Variants in GRM3 observed in about 807,000 individuals in gnomAD.
The protein encoded by GRM3 is glutamate metabotropic receptor 3.
In GRM3, 26 loss-of-function variants were observed where a neutral mutation model predicts 70.5. That is an observed-to-expected ratio of 0.37 (90% CI 0.27 to 0.51). The LOEUF (loss-of-function observed/expected upper bound fraction) is 0.51, where lower values mean the gene tolerates loss of function less well. Ranked by LOEUF, GRM3 falls within the 20% of genes least tolerant of loss-of-function variation. GRM3 has a pLI of 0.93. For missense variants in GRM3, 859 were observed against 1,123.8 expected, an observed-to-expected ratio of 0.76 and a Z score of 3.37; for synonymous variants, 443 against 434.9, an observed-to-expected ratio of 1.02 and a Z score of -0.23.
chr7:86,840,751 T>G (rs1433884260), intron 4 of GRM3, among the ~76,000 whole-genome samples: 1 of 152,184 alleles, frequency 6.6e-6, no homozygotes, highest in African/African-American at 2.4e-5. Flanking sequence ...TTTCTTAAAT[T>G]GTCAGAGATT....
intron 1 of GRM3, among the ~76,000 whole-genome samples, chr7:86,707,925 T>C (rs544676523): frequency 6.6e-6 from 1 of 152,244 alleles, no homozygotes; most frequent in South Asian, 2.1e-4. Flanking sequence ...TTAATTTTCA[T>C]TAAGAACCCT....
chr7:86,740,411 T>G (rs1023029558), intron 1 of GRM3, among the ~76,000 whole-genome samples: 1 of 152,054 alleles, frequency 6.6e-6, no homozygotes, highest in South Asian at 2.1e-4. Context: ...CAATACTCCC[T>G]TGATTCAAAA....
chr7:86,709,910 G>A (rs80003799), intron 1 of GRM3, among the ~76,000 whole-genome samples: 1,919 of 152,188 alleles, frequency 0.013, 34 homozygotes, highest in African/African-American at 0.044. Flanking sequence ...ATGACTTTAA[G>A]GAAACATTTG....
At chr7:86,809,579 A>G (rs1459585228) in intron 3 of GRM3, among the ~76,000 whole-genome samples, 1 of 152,068 alleles carries the variant, frequency 6.6e-6, no homozygotes, top group Non-Finnish European at 1.5e-5. Context: ...GTAATAATTT[A>G]TTATTAATGA....
At chr7:86,733,318 A>AC (rs928850907) in intron 1 of GRM3, among the ~76,000 whole-genome samples, 4 of 151,720 alleles carry the variant, frequency 2.6e-5, no homozygotes, top group Admixed American at 1.3e-4. Flanking sequence ...CGTCTCAAAA[A>AC]AAAAAAAAAA....
At chr7:86,844,064 G>A (rs1340436652) in intron 4 of GRM3, among the ~76,000 whole-genome samples, 3 of 152,120 alleles carry the variant, frequency 2.0e-5, no homozygotes, top group Non-Finnish European at 4.4e-5. Context: ...ATTCTTTTGG[G>A]GGTTGGAGCA....
rs560655360 is a variant in GRM3 at position 86,716,018 on chromosome 7, T to C, written c.-140-48988T>C. Among the ~76,000 whole-genome samples the C allele has an allele frequency of 4.6e-5, 7 of 152,136 alleles. No individual in the cohort carries two copies. In the South Asian group the frequency reaches 1.4e-3, roughly 31 times the overall value. On this transcript the variant is annotated intron_variant, in intron 1 of 5. Coordinates refer to ENST00000361669, the MANE Select transcript of GRM3 (RefSeq NM_000840.3). Reference sequence around the variant, plus strand: ...ATGATAGTAGCAACCACCTACGTGGTACTTTTCATCCTCAAAGCTCTGGAT... The same window carrying C: ...ATGATAGTAGCAACCACCTACGTGGCACTTTTCATCCTCAAAGCTCTGGAT...
At position 86,791,168 on chromosome 7, in the gene GRM3, A is replaced by C. The variant is rs1279789692; in HGVS notation, c.1324+4052A>C. ...ACTAGCTTGTGGGCTCTTTCAAGGC[A>C]TGGTACATATATTTCATCTCTGATC... On this transcript the variant is annotated intron_variant, in intron 3 of 5. Coordinates refer to ENST00000361669, the MANE Select transcript of GRM3 (RefSeq NM_000840.3). Among the ~76,000 whole-genome samples the C allele has an allele frequency of 2.0e-5, 3 of 152,308 alleles. No individual in the cohort carries two copies. The East Asian group carries it at 5.8e-4, about 29-fold the overall frequency.
chr7:86,670,795 A>G (rs1361729315), intron 1 of GRM3, among the ~76,000 whole-genome samples: 1 of 152,078 alleles, frequency 6.6e-6, no homozygotes, highest in Non-Finnish European at 1.5e-5. Context: ...GGTGGCTCTA[A>G]TTTACATTTT....
intron 3 of GRM3, among the ~76,000 whole-genome samples, chr7:86,788,879 A>G (rs950294320): frequency 7.9e-5 from 12 of 152,176 alleles, no homozygotes; most frequent in Admixed American, 7.2e-4. Context: ...TAGTATGCAA[A>G]TATACAAATA....
chr7:86,689,944 A>AT lies in GRM3; in HGVS notation c.-141+45074dup, dbSNP rs1214763912. Among the ~76,000 whole-genome samples, 21 of 152,308 alleles carry AT rather than the reference A, an allele frequency of 1.4e-4. No individual in the cohort carries two copies. The South Asian group carries it at 2.1e-3, about 15-fold the overall frequency. On this transcript the variant is annotated intron_variant, in intron 1 of 5. Transcript: ENST00000361669. The stretch of plus-strand genomic sequence containing the variant: ...ACTATGCCTTGCAAATACATCACCC[A>AT]TTCCTTCAGCAATCACTCACTAAGG...
At chr7:86,826,465 G>C (rs1798236459) in intron 3 of GRM3, among the ~76,000 whole-genome samples, 1 of 152,100 alleles carries the variant, frequency 6.6e-6, no homozygotes, top group Non-Finnish European at 1.5e-5. Flanking sequence ...GTGTGTAATG[G>C]GCCTGTAGTG....
At chr7:86,680,906 C>T (rs965388446) in intron 1 of GRM3, among the ~76,000 whole-genome samples, 2 of 152,168 alleles carry the variant, frequency 1.3e-5, no homozygotes, top group Non-Finnish European at 2.9e-5. Context: ...TACCATTCCC[C>T]TTGGCAGCCC....
At chr7:86,742,623 C>T (rs1039945231) in intron 1 of GRM3, among the ~76,000 whole-genome samples, 1 of 151,924 alleles carries the variant, frequency 6.6e-6, no homozygotes, top group African/African-American at 2.4e-5. Flanking sequence ...TATAAAGGAA[C>T]CTGAAAGTCG....
intron 5 of GRM3, among the ~76,000 whole-genome samples, chr7:86,853,504 C>T (rs1326063618): frequency 6.6e-6 from 1 of 152,166 alleles, no homozygotes; most frequent in African/African-American, 2.4e-5. Flanking sequence ...CAAGAACATT[C>T]CTTAAACTGC....
intron 1 of GRM3, among the ~76,000 whole-genome samples, chr7:86,706,221 T>G (rs986391156): frequency 1.3e-5 from 2 of 152,088 alleles, no homozygotes; most frequent in African/African-American, 2.4e-5. Flanking sequence ...AAGGCACAGT[T>G]TAGTGCTAAA....
intron 1 of GRM3, among the ~76,000 whole-genome samples, chr7:86,717,398 T>C (rs1235994003): frequency 1.3e-5 from 2 of 151,976 alleles, no homozygotes; most frequent in Admixed American, 1.3e-4. Flanking sequence ...GCCTACAATA[T>C]GATAGATACA....
chr7:86,655,878 G>A (rs965208886), intron 1 of GRM3, among the ~76,000 whole-genome samples: 4 of 151,242 alleles, frequency 2.6e-5, no homozygotes, highest in Non-Finnish European at 5.9e-5. Flanking sequence ...GTGTATGTGT[G>A]TTTACTTCTC....
intron 3 of GRM3, among the ~76,000 whole-genome samples, chr7:86,814,981 T>C (rs927225822): frequency 1.3e-5 from 2 of 151,738 alleles, no homozygotes; most frequent in Non-Finnish European, 2.9e-5. Context: ...CATCATATTA[T>C]GGACTATTAA....
Sources: gnomAD v4.1 joint callset for allele counts (sites outside exome capture counted in the v4.1 genomes callset) on GRCh38, gnomAD v4.1.1 for gene constraint, MANE v1.5 for transcripts, NCBI Gene and HGNC (gene_info 2026-07-23, HGNC 2026-07-21) for gene names.